XKR4: variants seen among roughly 807,000 people sequenced by gnomAD.
The protein encoded by XKR4 is XK-related protein 4.
In XKR4, 12 loss-of-function variants were observed where a neutral mutation model predicts 53.9. The ratio of observed to expected loss-of-function variants is 0.22; its 90% CI spans 0.14 to 0.36. The LOEUF is 0.36. Among genes scored for constraint, XKR4 ranks in the 10% least tolerant of loss-of-function variants. The probability of loss-of-function intolerance (pLI) is 1.00; values close to 1 mark genes in which losing one functional copy is unlikely to be tolerated. For missense variants in XKR4, 799 were observed against 859.5 expected (o/e 0.93, Z 0.88); for synonymous variants, 354 against 362.4 (o/e 0.98, Z 0.26).
chr8:55,127,630 G>A (rs959755378), intron 1 of XKR4, among the ~76,000 whole-genome samples: 3 of 149,760 alleles, frequency 2.0e-5, no homozygotes, highest in Admixed American at 1.3e-4. Flanking sequence ...TGTGCACAAC[G>A]TGCAGGTTTG....
intron 2 of XKR4, among the ~76,000 whole-genome samples, chr8:55,519,823 A>G (rs1324580765): frequency 6.6e-6 from 1 of 152,230 alleles, no homozygotes; most frequent in Non-Finnish European, 1.5e-5. Context: ...AAGGACCATA[A>G]TGTATGCATT....
At chr8:55,405,529 G>A (rs1804668516) in intron 2 of XKR4, among the ~76,000 whole-genome samples, 1 of 152,192 alleles carries the variant, frequency 6.6e-6, no homozygotes, top group African/African-American at 2.4e-5. Context: ...AACAGCTTAA[G>A]AGAGAACAAC....
chr8:55,250,839 T>A (rs1563493301), intron 1 of XKR4, among the ~76,000 whole-genome samples: 1 of 152,270 alleles, frequency 6.6e-6, no homozygotes, highest in Non-Finnish European at 1.5e-5. Context: ...ATTCAAATAA[T>A]CAATGATTCT....
rs566987375 is a variant in XKR4, at chr8:55,103,404, C to T, written c.806+110C>T. On this transcript the variant is annotated intron_variant, in intron 1 of 2. Transcript: ENST00000327381. Reference sequence around the variant, plus strand: ...GTTGCTTTGGTAGTAACCCTAGTCACACTCTTCCAGTTTTTTGGGTTTCTT... The same window carrying T: ...GTTGCTTTGGTAGTAACCCTAGTCATACTCTTCCAGTTTTTTGGGTTTCTT... The T allele has an allele frequency of 3.3e-5, 49 of 1,471,008 alleles. No individual in the cohort carries two copies. In the South Asian group the frequency reaches 7.0e-4, roughly 21 times the overall value. The allele number at this position is 1,471,008 out of a possible 1,614,324, so 91.1% of individuals were successfully genotyped here.
At chr8:55,488,222 G>A (rs934285426) in intron 2 of XKR4, among the ~76,000 whole-genome samples, 1 of 152,202 alleles carries the variant, frequency 6.6e-6, no homozygotes, top group Non-Finnish European at 1.5e-5. Flanking sequence ...AAATACTGAT[G>A]AGGATGCGGG....
intron 1 of XKR4, among the ~76,000 whole-genome samples, chr8:55,340,539 C>T (rs1228168293): frequency 2.0e-5 from 3 of 152,184 alleles, no homozygotes; most frequent in Non-Finnish European, 4.4e-5. Context: ...TTCTGCTCAC[C>T]AAAGAGCAGA....
At chr8:55,138,554 C>T (rs1816661416) in intron 1 of XKR4, among the ~76,000 whole-genome samples, 1 of 152,188 alleles carries the variant, frequency 6.6e-6, no homozygotes, top group South Asian at 2.1e-4. Context: ...TTAAATATTT[C>T]TAAAGCATGA....
At chr8:55,427,346 T>G (rs1167685862) in intron 2 of XKR4, among the ~76,000 whole-genome samples, 2 of 152,196 alleles carry the variant, frequency 1.3e-5, no homozygotes, top group Non-Finnish European at 2.9e-5. Context: ...GTTGATATAT[T>G]TTTATGGTAT....
At chr8:55,150,360 A>T (rs1336764066) in intron 1 of XKR4, among the ~76,000 whole-genome samples, 1 of 152,216 alleles carries the variant, frequency 6.6e-6, no homozygotes, top group East Asian at 1.9e-4. Flanking sequence ...GTTTTAGTAT[A>T]TGGGTTGCTA....
intron 1 of XKR4, among the ~76,000 whole-genome samples, chr8:55,349,170 G>C (rs1803692228): frequency 6.6e-6 from 1 of 152,100 alleles, no homozygotes; most frequent in African/African-American, 2.4e-5. Context: ...TTTTTTAACA[G>C]GATGGAAACC....
At chr8:55,317,701 A>C (rs1803114934) in intron 1 of XKR4, among the ~76,000 whole-genome samples, 1 of 152,160 alleles carries the variant, frequency 6.6e-6, no homozygotes, top group African/African-American at 2.4e-5. Context: ...CATTACTGTG[A>C]GTGACAGAGA....
intron 1 of XKR4, among the ~76,000 whole-genome samples, chr8:55,327,811 T>G (rs1405898525): frequency 6.6e-6 from 1 of 152,164 alleles, no homozygotes; most frequent in East Asian, 1.9e-4. Context: ...TTTGTGACAT[T>G]TTACATGGAG....
chr8:55,367,575 C>A (rs1049116558), intron 2 of XKR4, among the ~76,000 whole-genome samples: 1 of 152,062 alleles, frequency 6.6e-6, no homozygotes, highest in Non-Finnish European at 1.5e-5. Context: ...AGTGCTGGGA[C>A]CAATTTATAT....
At chr8:55,294,817 A>G (rs534196114) in intron 1 of XKR4, among the ~76,000 whole-genome samples, 1 of 152,268 alleles carries the variant, frequency 6.6e-6, no homozygotes, top group African/African-American at 2.4e-5. Flanking sequence ...TGGCTGTGCA[A>G]TCGATGACTC....
chr8:55,319,239 T>A (rs1490075791), intron 1 of XKR4, among the ~76,000 whole-genome samples: 1 of 152,090 alleles, frequency 6.6e-6, no homozygotes, highest in African/African-American at 2.4e-5. Flanking sequence ...AAAAGAAAAG[T>A]AAAACCTAGA....
At chr8:55,127,999 G>T (rs1816497365) in intron 1 of XKR4, among the ~76,000 whole-genome samples, 2 of 152,028 alleles carry the variant, frequency 1.3e-5, no homozygotes, top group South Asian at 4.1e-4. Context: ...ATTTGGGTTG[G>T]TTCCAAGTCT....
At chr8:55,355,863 G>A (rs190706381) in intron 1 of XKR4, among the ~76,000 whole-genome samples, 106 of 152,166 alleles carry the variant, frequency 7.0e-4, no homozygotes, top group East Asian at 3.3e-3. Context: ...GCTATCCTTC[G>A]CTCTTGGCAT....
intron 1 of XKR4, among the ~76,000 whole-genome samples, chr8:55,320,448 C>A (rs1200317556): frequency 6.6e-6 from 1 of 152,124 alleles, no homozygotes; most frequent in African/African-American, 2.4e-5. Flanking sequence ...GACGCTGAAC[C>A]AACCAAGCTC....
chr8:55,481,763 G>A (rs1236475512), intron 2 of XKR4, among the ~76,000 whole-genome samples: 4 of 152,084 alleles, frequency 2.6e-5, no homozygotes, highest in East Asian at 1.9e-4. Context: ...CTCAAAAGAA[G>A]ACATTTATGC....
Sources: gnomAD v4.1 joint callset for allele counts (sites outside exome capture counted in the v4.1 genomes callset) on GRCh38, gnomAD v4.1.1 for gene constraint, MANE v1.5 for transcripts, NCBI Gene and HGNC (gene_info 2026-07-23, HGNC 2026-07-21) for gene names.